Variants in MEI4 observed in about 807,000 individuals in gnomAD.
MEI4 encodes meiotic double-stranded break formation protein 4.
In MEI4, 27 loss-of-function variants were observed where a neutral mutation model predicts 31.4. The ratio of observed to expected loss-of-function variants is 0.86; its 90% confidence interval spans 0.63 to 1.19. The LOEUF (loss-of-function observed/expected upper bound fraction) is 1.19, where lower values mean the gene tolerates loss of function less well. MEI4 is among the 50% of genes most tolerant of loss of function. The pLI is 0.00. For missense variants in MEI4, 329 were observed against 398.9 expected (o/e 0.82, Z 1.49); for synonymous variants, 122 against 145.4 (o/e 0.84, Z 1.16).
intron 2 of MEI4, among the ~76,000 whole-genome samples, chr6:77,701,538 A>T (rs1766221704): frequency 6.6e-6 from 1 of 152,056 alleles, no homozygotes; most frequent in Non-Finnish European, 1.5e-5. Context: ...TTCGCCTGCA[A>T]CTTTAAGTAG....
At chr6:77,915,353 T>A (rs750333823) in intron 4 of MEI4, among the ~76,000 whole-genome samples, 5 of 152,116 alleles carry the variant, frequency 3.3e-5, no homozygotes, top group Non-Finnish European at 5.9e-5. Context: ...GAGATTTTGC[T>A]TGTCTGGGAA....
chr6:77,685,780 A>G (rs1769043872), intron 1 of MEI4, among the ~76,000 whole-genome samples: 1 of 152,130 alleles, frequency 6.6e-6, no homozygotes, highest in African/African-American at 2.4e-5. Flanking sequence ...TCCCACTTAG[A>G]AAAATATAGA....
At chr6:77,653,925 A>G (rs1437072368) in intron 1 of MEI4, among the ~76,000 whole-genome samples, 3 of 152,216 alleles carry the variant, frequency 2.0e-5, no homozygotes, top group Non-Finnish European at 4.4e-5. Flanking sequence ...TCCTTAAAGC[A>G]TCAGGTTTTA....
intron 3 of MEI4, among the ~76,000 whole-genome samples, chr6:77,808,916 T>C (rs902633446): frequency 1.3e-5 from 2 of 152,166 alleles, no homozygotes; most frequent in African/African-American, 4.8e-5. Flanking sequence ...TGATCAATTC[T>C]GGAATGTGGG....
intron 4 of MEI4, among the ~76,000 whole-genome samples, chr6:77,869,795 G>A (rs1771148651): frequency 6.6e-6 from 1 of 152,150 alleles, no homozygotes; most frequent in Non-Finnish European, 1.5e-5. Flanking sequence ...GAGAATATCA[G>A]GAAGAAGGGG....
chr6:77,907,379 C>T (rs188229405), intron 4 of MEI4, among the ~76,000 whole-genome samples: 390 of 152,216 alleles, frequency 2.6e-3, no homozygotes, highest in African/African-American at 8.9e-3. Flanking sequence ...TGAGTGAGAA[C>T]ATGCAGTGTT....
At chr6:77,758,714 T>G (rs1767971020) in intron 2 of MEI4, among the ~76,000 whole-genome samples, 1 of 152,184 alleles carries the variant, frequency 6.6e-6, no homozygotes, top group Admixed American at 6.5e-5. Context: ...TAACTCAGTC[T>G]CCTATCTTCT....
At chr6:77,706,488 T>A (rs1284201911) in intron 2 of MEI4, among the ~76,000 whole-genome samples, 1 of 152,210 alleles carries the variant, frequency 6.6e-6, no homozygotes, top group African/African-American at 2.4e-5. Flanking sequence ...AATCTTTGGG[T>A]TGTCAATTCC....
intron 2 of MEI4, among the ~76,000 whole-genome samples, chr6:77,697,781 G>C (rs1766091291): frequency 6.6e-6 from 1 of 152,130 alleles, no homozygotes; most frequent in South Asian, 2.1e-4. Flanking sequence ...TGTCTATTAG[G>C]TCCGCTTGAT....
intron 2 of MEI4, among the ~76,000 whole-genome samples, chr6:77,742,273 C>A (rs1440626323): frequency 6.6e-6 from 1 of 151,606 alleles, no homozygotes; most frequent in African/African-American, 2.4e-5. Context: ...CACATCCTCT[C>A]CAGCACCTGT....
At chr6:77,652,201 T>C (rs1562192346), upstream of MEI4, among the ~76,000 whole-genome samples, 2 of 152,168 alleles carry the variant, frequency 1.3e-5, no homozygotes, top group African/African-American at 4.8e-5. Context: ...AGAGATCAGT[T>C]AGAAGGCTGA....
chr6:77,857,814 T>G (rs1770779641), intron 4 of MEI4, among the ~76,000 whole-genome samples: 1 of 152,210 alleles, frequency 6.6e-6, no homozygotes, highest in Admixed American at 6.5e-5. Context: ...CATTTGTTTC[T>G]TTTTGAAATG....
At chr6:77,731,541 T>C (rs1766992115) in intron 2 of MEI4, among the ~76,000 whole-genome samples, 2 of 151,608 alleles carry the variant, frequency 1.3e-5, no homozygotes, top group Admixed American at 1.3e-4. Flanking sequence ...CTTTGTCAGA[T>C]GAGTAGGTTG....
chr6:77,770,338 C>T (rs1046973387), intron 3 of MEI4, among the ~76,000 whole-genome samples: 18 of 152,104 alleles, frequency 1.2e-4, no homozygotes, highest in African/African-American at 4.1e-4. Flanking sequence ...ACAAAGTTTA[C>T]AATGAGAAAC....
chr6:77,796,469 A>T (rs981333206), intron 3 of MEI4, among the ~76,000 whole-genome samples: 1 of 152,206 alleles, frequency 6.6e-6, no homozygotes, highest in African/African-American at 2.4e-5. Context: ...CACCCTAAAA[A>T]TGCCATCAAA....
At chr6:77,656,205 G>C (rs1368773827) in intron 1 of MEI4, among the ~76,000 whole-genome samples, 1 of 152,088 alleles carries the variant, frequency 6.6e-6, no homozygotes, top group East Asian at 1.9e-4. Context: ...AAGTAATTTT[G>C]ATTGTTGGAG....
chr6:77,915,842 A>G (rs1010716983), intron 4 of MEI4, among the ~76,000 whole-genome samples: 2 of 151,892 alleles, frequency 1.3e-5, no homozygotes, highest in Non-Finnish European at 2.9e-5. Flanking sequence ...ATTTTGTTAA[A>G]TTGCTTTTCT....
At chr6:77,870,577 C>CT (rs35468002) in intron 4 of MEI4, among the ~76,000 whole-genome samples, 18,516 of 152,110 alleles carry the variant, frequency 0.12, 1,330 homozygotes, top group South Asian at 0.18. Context: ...TCTGGCACAA[C>CT]TTTTTTTAAA....
intron 4 of MEI4, among the ~76,000 whole-genome samples, chr6:77,844,833 G>GA (rs1770442852): frequency 6.6e-6 from 1 of 152,016 alleles, no homozygotes; most frequent in South Asian, 2.1e-4. Flanking sequence ...TCTCCTCCCA[G>GA]AAAAATGATG....
Sources: gnomAD v4.1 joint callset for allele counts (sites outside exome capture counted in the v4.1 genomes callset) on GRCh38, gnomAD v4.1.1 for gene constraint, MANE v1.5 for transcripts, NCBI Gene and HGNC (gene_info 2026-07-23, HGNC 2026-07-21) for gene names.